The following XYLB variants were observed in gnomAD, a reference collection of about 807,000 sequenced individuals.
XYLB encodes the protein xylulose kinase.
In XYLB, 62 loss-of-function variants were observed where a neutral mutation model predicts 78.7. The observed-to-expected ratio is 0.79, with a 90% CI of 0.64 to 0.97. XYLB has a LOEUF of 0.97. Ranked by LOEUF, XYLB falls within the 50% of genes least tolerant of loss-of-function variation. The probability of loss-of-function intolerance (pLI) is 0.00; values close to 1 mark genes in which losing one functional copy is unlikely to be tolerated. For synonymous variants in XYLB, 245 were observed against 247.4 expected (o/e 0.99, Z 0.09); for missense variants, 687 against 676.8 (o/e 1.02, Z -0.17).
rs1705081746 is a variant in XYLB, at chr3:38,346,812, A to ATCCT, written c.-55_-54insCTTC. ...CTCTGGGCGCTGGAGCGCGGCGACT[A>ATCCT]TCACGCCGCGTGGCGGACGGACGGA... On this transcript the variant is annotated 5_prime_UTR_variant, in exon 1 of 19. Coordinates refer to ENST00000207870, the MANE Select transcript of XYLB (RefSeq NM_005108.4). 3 of 1,455,920 alleles carry ATCCT rather than the reference A, an allele frequency of 2.1e-6. No homozygotes were observed. The African/African-American group carries it at 4.4e-5, about 21-fold the overall frequency. 90.2% of individuals were successfully genotyped at this position (1,455,920 alleles called of 1,614,324 possible).
intron 3 of XYLB, among the ~76,000 whole-genome samples, chr3:38,362,465 T>G (rs1469113601): frequency 6.6e-6 from 1 of 152,182 alleles, no homozygotes; most frequent in Non-Finnish European, 1.5e-5. Flanking sequence ...CTTGAACTCC[T>G]GAGCTCAAGT....
chr3:38,379,235 C>A lies in XYLB; in HGVS notation c.1195-11C>A, dbSNP rs768354377. The A allele has an allele frequency of 6.2e-7, 1 of 1,613,998 alleles. No homozygotes were observed. The highest frequency in any genetic ancestry group is 8.5e-7 in the Non-Finnish European group (1 of 1,179,934). On this transcript the variant is annotated splice_polypyrimidine_tract_variant and intron_variant, in intron 14 of 18. Coordinates refer to ENST00000207870, the MANE Select transcript of XYLB (RefSeq NM_005108.4). Reference sequence around the variant, plus strand: ...GTTCCTTACTCTGTGCCCACCTTTTCCTGGAGACAGGTTGCAGCATTCCCT... The same window carrying A: ...GTTCCTTACTCTGTGCCCACCTTTTACTGGAGACAGGTTGCAGCATTCCCT...
the XYLB span, among the ~76,000 whole-genome samples, chr3:38,436,600 G>T: frequency 6.6e-6 from 1 of 152,064 alleles, no homozygotes; most frequent in Admixed American, 6.6e-5. Context: ...ACCAAAACCA[G>T]AAAAGGCCAC....
At chr3:38,441,815 G>A in the XYLB span, among the ~76,000 whole-genome samples, 3 of 152,264 alleles carry the variant, frequency 2.0e-5, no homozygotes, top group African/African-American at 7.2e-5. Context: ...CCTTACTTAG[G>A]TATGCCACTA....
chr3:38,355,840 C>G, intron 2 of XYLB: 1 of 702,258 alleles, frequency 1.4e-6, no homozygotes, highest in Non-Finnish European at 2.6e-6. Flanking sequence ...CACTCATGTT[C>G]CTAACCACCT....
chr3:38,367,847 G>A (rs1007035664), intron 7 of XYLB, among the ~76,000 whole-genome samples: 9 of 152,204 alleles, frequency 5.9e-5, no homozygotes, highest in African/African-American at 2.2e-4. Flanking sequence ...ATAGAGGAAG[G>A]AAATCAGGGC....
chr3:38,378,971 G>A (rs1707007976), intron 14 of XYLB, among the ~76,000 whole-genome samples: 1 of 151,854 alleles, frequency 6.6e-6, no homozygotes, highest in Non-Finnish European at 1.5e-5. Flanking sequence ...GAGCTGAATG[G>A]TAGACAGAAC....
chr3:38,412,993 AC>A lies in XYLB; in HGVS notation c.1594del (p.Arg532GlyfsTer19). On this transcript the variant is annotated frameshift_variant, in exon 19 of 19. Transcript: ENST00000207870. LOFTEE classifies it high-confidence loss of function. ...AKLEQRILSQ[T>X]RGPPE ...ACTCGAGCAGAGAATCTTGTCTCAG[AC>A]CCGGGGGCCTCCGGAGTGAACAGGC... 6.2e-7 allele frequency: 1 copy of A among 1,602,766 alleles called. No homozygotes were observed. Among genetic ancestry groups the A allele is most frequent in the Non-Finnish European group, 8.5e-7 (1 of 1,176,044 alleles).
At chr3:38,365,541 C>T (rs927727024) in intron 5 of XYLB, 67 bp from the exon 6 acceptor site, 422 of 1,551,204 alleles carry the variant, frequency 2.7e-4, no homozygotes, top group Non-Finnish European at 3.6e-4. Flanking sequence ...GTGTGACCGC[C>T]AGCCCTGGGG....
At chr3:38,367,902 C>T (rs560887008) in intron 7 of XYLB, among the ~76,000 whole-genome samples, 1 of 152,312 alleles carries the variant, frequency 6.6e-6, no homozygotes, top group African/African-American at 2.4e-5. Flanking sequence ...TGCAGCTTCC[C>T]TAAGCCCTTT....
At chr3:38,412,210 C>G in intron 18 of XYLB, among the ~76,000 whole-genome samples, 1 of 152,112 alleles carries the variant, frequency 6.6e-6, no homozygotes, top group African/African-American at 2.4e-5. Flanking sequence ...AGGCTGGTCT[C>G]AAACTCCTGG....
the XYLB span, among the ~76,000 whole-genome samples, chr3:38,439,197 C>T: frequency 1.6e-3 from 246 of 152,246 alleles, 1 homozygote; most frequent in African/African-American, 5.8e-3. Context: ...CGAAGAAGGG[C>T]CCTGCAGTGG....
downstream of XYLB, among the ~76,000 whole-genome samples, chr3:38,421,890 C>T (rs1295631772): frequency 1.3e-5 from 2 of 152,074 alleles, no homozygotes; most frequent in African/African-American, 2.4e-5. Context: ...AAGTAGTTGC[C>T]CCAGTGACTG....
rs1262039268 is a variant in XYLB at position 38,400,917 on chromosome 3, T to C, written c.1465T>C (p.Phe489Leu). 1 of 1,614,086 alleles carries C rather than the reference T, an allele frequency of 6.2e-7. No individual in the cohort carries two copies. The highest frequency in any genetic ancestry group is 1.1e-5 in the South Asian group (1 of 91,082). ...HGLAGGTDVP[F>L]SEVVKLAPNP... is the part of the protein sequence containing the mutation. ...TCTTGCAGGTGGAACAGATGTGCCC[T>C]TTTCAGAGGTTGTGAAGTTAGCTCC... Residue 489 changes from phenylalanine (F) to leucine (L), a missense_variant, in exon 18 of 19, where the codon TTT becomes CTT. Physicochemically the swap from Phe to Leu is conservative, Grantham distance 22. Transcript: ENST00000207870.
intron 18 of XYLB, among the ~76,000 whole-genome samples, chr3:38,409,503 T>G (rs887465548): frequency 6.6e-6 from 1 of 152,046 alleles, no homozygotes; most frequent in African/African-American, 2.4e-5. Flanking sequence ...CTCTCACCAC[T>G]CCTATTCAAC....
chr3:38,359,642 G>A (rs573776830), intron 2 of XYLB, among the ~76,000 whole-genome samples: 8 of 152,218 alleles, frequency 5.3e-5, no homozygotes, highest in Admixed American at 2.0e-4. Flanking sequence ...ACTTGTTTAG[G>A]GACACTGGGT....
chr3:38,363,014 C>A lies in XYLB; in HGVS notation c.288C>A (p.Gly96=). The A allele has an allele frequency of 6.5e-7, 1 of 1,549,274 alleles. No individual in the cohort carries two copies. Among genetic ancestry groups the A allele is most frequent in the South Asian group, 1.2e-5 (1 of 82,558 alleles). The change falls in exon 4 of 19, where the codon GGC becomes GGA. Residue 96 remains glycine (G), a synonymous_variant. Transcript: ENST00000207870. The stretch of plus-strand genomic sequence containing the variant: ...AAGTCCTAGCCTTGTCCGGGGCGGG[C>A]CAGGTTCGTTTGCAGCAGACTCTGT... ...FSQVLALSGA[G]QQHGSIYWKA...
At chr3:38,347,561 T>C (rs1212960223) in intron 1 of XYLB, among the ~76,000 whole-genome samples, 1 of 151,592 alleles carries the variant, frequency 6.6e-6, no homozygotes, top group African/African-American at 2.4e-5. Context: ...ACACCTGTAG[T>C]CCCAGTTTTT....
chr3:38,399,752 C>T (rs935172197), intron 17 of XYLB, among the ~76,000 whole-genome samples: 20 of 152,146 alleles, frequency 1.3e-4, no homozygotes, highest in African/African-American at 4.8e-4. Context: ...CCAAAGGGTA[C>T]CTGGGCCACT....
Sources: gnomAD v4.1 joint callset for allele counts (sites outside exome capture counted in the v4.1 genomes callset) on GRCh38, gnomAD v4.1.1 for gene constraint, MANE v1.5 for transcripts, NCBI Gene and HGNC (gene_info 2026-07-23, HGNC 2026-07-21) for gene names.